Variants in POU6F2 observed in about 807,000 individuals in gnomAD.
The protein encoded by POU6F2 is POU domain, class 6, transcription factor 2.
In POU6F2, 31 loss-of-function variants were observed where a neutral mutation model predicts 71.3. The observed-to-expected ratio is 0.43, with a 90% CI of 0.33 to 0.59. POU6F2 has a LOEUF of 0.59. Among genes scored for constraint, POU6F2 ranks in the 20% least tolerant of loss-of-function variants. The pLI, the probability that POU6F2 is intolerant of heterozygous loss-of-function variation, is 0.04. For missense variants in POU6F2, 783 were observed against 856.8 expected, an observed-to-expected ratio of 0.91 and a Z score of 1.07; for synonymous variants, 347 against 355.7, an observed-to-expected ratio of 0.98 and a Z score of 0.27.
intron 4 of POU6F2, among the ~76,000 whole-genome samples, chr7:39,252,404 A>ACACG (rs1783941850): frequency 9.9e-6 from 1 of 101,376 alleles, no homozygotes; most frequent in African/African-American, 3.5e-5. Context: ...AGACAGACAC[A>ACACG]CACACACACA....
chr7:39,244,155 A>T (rs1033940653), intron 4 of POU6F2, among the ~76,000 whole-genome samples: 1 of 84,954 alleles, frequency 1.2e-5, no homozygotes, highest in Non-Finnish European at 2.2e-5. Flanking sequence ...AACTTCATAT[A>T]AAAAAAACAT....
intron 1 of POU6F2, among the ~76,000 whole-genome samples, chr7:39,018,219 T>C (rs1478686144): frequency 6.6e-6 from 1 of 152,188 alleles, no homozygotes; most frequent in Non-Finnish European, 1.5e-5. Flanking sequence ...TCAAAACTTC[T>C]ATCAGGGCCA....
intron 1 of POU6F2, among the ~76,000 whole-genome samples, chr7:39,013,875 A>G (rs1789399674): frequency 6.6e-6 from 1 of 152,278 alleles, no homozygotes; most frequent in Non-Finnish European, 1.5e-5. Flanking sequence ...TAGAAACACT[A>G]TTTTACTTTA....
chr7:39,155,846 T>C (rs1046467636), intron 2 of POU6F2, among the ~76,000 whole-genome samples: 2 of 152,200 alleles, frequency 1.3e-5, no homozygotes, highest in Non-Finnish European at 2.9e-5. Flanking sequence ...TATTTTTATA[T>C]AAAATGTGTA....
At chr7:39,293,732 C>T (rs1031804175) in intron 4 of POU6F2, among the ~76,000 whole-genome samples, 4 of 152,128 alleles carry the variant, frequency 2.6e-5, no homozygotes, top group Admixed American at 6.5e-5. Flanking sequence ...ACCTGAAGAC[C>T]GAGTTCACAT....
At chr7:39,192,982 T>G (rs1793701263) in intron 2 of POU6F2, among the ~76,000 whole-genome samples, 2 of 152,170 alleles carry the variant, frequency 1.3e-5, no homozygotes, top group Admixed American at 1.3e-4. Flanking sequence ...TCAAACCCAG[T>G]GCTTCTTGCA....
chr7:39,075,818 G>A (rs1790990399), intron 1 of POU6F2, among the ~76,000 whole-genome samples: 1 of 152,218 alleles, frequency 6.6e-6, no homozygotes, highest in Non-Finnish European at 1.5e-5. Context: ...GGGCTCTACT[G>A]CCTTTGCTTT....
At chr7:39,243,694 A>G (rs763551486) in intron 4 of POU6F2, among the ~76,000 whole-genome samples, 5 of 151,872 alleles carry the variant, frequency 3.3e-5, no homozygotes, top group Non-Finnish European at 7.4e-5. Context: ...ATGCTACTAG[A>G]TCAAAATAAA....
intron 1 of POU6F2, among the ~76,000 whole-genome samples, chr7:39,068,896 T>C (rs1347864759): frequency 2.0e-5 from 3 of 152,110 alleles, no homozygotes; most frequent in African/African-American, 7.2e-5. Context: ...AAGCATAGAT[T>C]GCTGAGCCCT....
intron 1 of POU6F2, chr7:39,006,763 A>C (rs1789083669): frequency 8.5e-6 from 11 of 1,295,546 alleles, no homozygotes; most frequent in Non-Finnish European, 1.2e-5. Context: ...CTAGGCATGA[A>C]CTCTCTTGGG....
intron 1 of POU6F2, among the ~76,000 whole-genome samples, chr7:39,079,836 G>A (rs1257262655): frequency 6.6e-6 from 1 of 152,098 alleles, no homozygotes; most frequent in Non-Finnish European, 1.5e-5. Flanking sequence ...AGCAATCAAA[G>A]GTGTGCATGT....
chr7:39,226,916 T>A (rs1794470899), intron 4 of POU6F2, among the ~76,000 whole-genome samples: 6 of 152,226 alleles, frequency 3.9e-5, no homozygotes, highest in Non-Finnish European at 5.9e-5. Flanking sequence ...CATGCTATTC[T>A]TCTTCCCTTT....
intron 1 of POU6F2, among the ~76,000 whole-genome samples, chr7:39,017,431 A>G (rs936526272): frequency 6.6e-6 from 1 of 152,172 alleles, no homozygotes; most frequent in Admixed American, 6.5e-5. Flanking sequence ...GTATTATCAC[A>G]ATATTCTTCT....
chr7:39,170,778 G>A lies in POU6F2; in HGVS notation c.278-33457G>A, dbSNP rs150393971. ...CAAAGAAAAGATAAATGTTTGAGGC[G>A]ACAGGTATCCCAATTACCCTGATGT... On this transcript the variant is annotated intron_variant, in intron 2 of 9. Transcript: ENST00000518318. Among the ~76,000 whole-genome samples, 325 of 151,960 alleles carry A rather than the reference G, an allele frequency of 2.1e-3. 1 individual carries two copies. Among genetic ancestry groups the A allele is most frequent in the African/African-American group, 7.6e-3 (316 of 41,494 alleles).
chr7:39,381,976 C>T (rs1338992736), intron 5 of POU6F2, among the ~76,000 whole-genome samples: 1 of 152,000 alleles, frequency 6.6e-6, no homozygotes, highest in Admixed American at 6.6e-5. Context: ...GGTAACAACT[C>T]CCCTGTTAGA....
rs189346111 is a variant in POU6F2, at chr7:39,024,375, A to T, written c.105+46317A>T. 9.3e-3 allele frequency among the ~76,000 whole-genome samples: 1,415 copies of T among 152,120 alleles called. 15 individuals are homozygous for T. The highest frequency in any genetic ancestry group is 0.034 in the Middle Eastern group (10 of 292). ...GATTTTGTATGCTGAGACTTTGCTG[A>T]AGTTGCTTATCAGCTTAAGGAGATT... On this transcript the variant is annotated intron_variant, in intron 1 of 9. Coordinates refer to ENST00000518318, the MANE Select transcript of POU6F2 (RefSeq NM_001370959.1).
chr7:39,360,566 C>A (rs889040352), intron 5 of POU6F2, among the ~76,000 whole-genome samples: 2 of 152,134 alleles, frequency 1.3e-5, no homozygotes, highest in Non-Finnish European at 2.9e-5. Flanking sequence ...GAAAGGGGTC[C>A]AGATCCAGAC....
intron 1 of POU6F2, among the ~76,000 whole-genome samples, chr7:39,037,043 C>T (rs950105430): frequency 3.3e-5 from 5 of 151,946 alleles, no homozygotes; most frequent in Admixed American, 6.6e-5. Context: ...TGAAATCTTT[C>T]TTACATAATC....
chr7:39,407,021 CAG>C (rs1290262155), intron 6 of POU6F2, among the ~76,000 whole-genome samples: 1 of 151,990 alleles, frequency 6.6e-6, no homozygotes, highest in Non-Finnish European at 1.5e-5. Flanking sequence ...CTTTGCATTA[CAG>C]GGGGCATTCT....
Sources: allele counts gnomAD v4.1 joint callset (sites outside exome capture counted in the v4.1 genomes callset), GRCh38; gene constraint gnomAD v4.1.1; transcripts MANE v1.5; gene names NCBI Gene and HGNC (gene_info 2026-07-23, HGNC 2026-07-21).